NRCAM: variants seen among roughly 807,000 people sequenced by gnomAD.
NRCAM encodes the protein NgCAM-related cell adhesion molecule.
NRCAM carries 83 observed loss-of-function variants against 156.5 expected under a neutral mutation model. The ratio of observed to expected loss-of-function variants is 0.53; its 90% CI spans 0.44 to 0.64. The LOEUF is 0.64. Among genes scored for constraint, NRCAM ranks in the 30% least tolerant of loss-of-function variants. The pLI is 0.00. For missense variants in NRCAM, 1,417 were observed against 1,597.3 expected (o/e 0.89, Z 1.92); for synonymous variants, 538 against 563.9 (o/e 0.95, Z 0.65).
At chr7:108,246,176 C>T (rs1422359800) in intron 3 of NRCAM, among the ~76,000 whole-genome samples, 1 of 152,136 alleles carries the variant, frequency 6.6e-6, no homozygotes, top group Non-Finnish European at 1.5e-5. Context: ...CCTTCCAATC[C>T]AATCACAATT....
At chr7:108,449,623 T>C (rs1324987537) in intron 1 of NRCAM, among the ~76,000 whole-genome samples, 1 of 152,230 alleles carries the variant, frequency 6.6e-6, no homozygotes, top group Non-Finnish European at 1.5e-5. Context: ...GTACTTCCCC[T>C]TTCCCTTGAG....
chr7:108,426,179 G>A (rs1817043191), intron 1 of NRCAM, among the ~76,000 whole-genome samples: 1 of 152,164 alleles, frequency 6.6e-6, no homozygotes, highest in Admixed American at 6.5e-5. Context: ...GCAGAATGTG[G>A]TTATGTGTCT....
chr7:108,408,494 C>T (rs900201927), intron 1 of NRCAM, among the ~76,000 whole-genome samples: 4 of 152,236 alleles, frequency 2.6e-5, no homozygotes, highest in African/African-American at 4.8e-5. Context: ...GTGAGAAAAG[C>T]TGTCCCGGAA....
At chr7:108,176,853 A>G in intron 26 of NRCAM, 1 of 269,554 alleles carries the variant, frequency 3.7e-6, no homozygotes. Context: ...ATTGGCTAAT[A>G]AACTAGAAGA....
intron 3 of NRCAM, among the ~76,000 whole-genome samples, chr7:108,309,892 A>C (rs1230371859): frequency 6.6e-6 from 1 of 152,134 alleles, no homozygotes; most frequent in East Asian, 1.9e-4. Context: ...ATAGCATTAA[A>C]ATTGTATAAC....
At chr7:108,383,620 A>T (rs979490514) in intron 2 of NRCAM, among the ~76,000 whole-genome samples, 16 of 152,236 alleles carry the variant, frequency 1.1e-4, no homozygotes, top group Admixed American at 2.0e-4. Flanking sequence ...TTGGCTACTT[A>T]GCCAAAGAAG....
intron 2 of NRCAM, among the ~76,000 whole-genome samples, chr7:108,341,821 A>C (rs1414031018): frequency 1.3e-5 from 2 of 152,188 alleles, no homozygotes; most frequent in Non-Finnish European, 2.9e-5. Flanking sequence ...CAATTCTAGG[A>C]GTACAGAAAC....
At chr7:108,343,378 T>C (rs575434985) in intron 2 of NRCAM, among the ~76,000 whole-genome samples, 11 of 152,304 alleles carry the variant, frequency 7.2e-5, no homozygotes, top group South Asian at 4.1e-4. Flanking sequence ...GAGATTATTA[T>C]TGGCGGTACA....
chr7:108,434,473 G>A (rs766324771), intron 1 of NRCAM, among the ~76,000 whole-genome samples: 4 of 150,900 alleles, frequency 2.7e-5, no homozygotes, highest in African/African-American at 4.9e-5. Flanking sequence ...AGTTGACCAG[G>A]GCCACACAAA....
intron 3 of NRCAM, among the ~76,000 whole-genome samples, chr7:108,283,575 G>A (rs745578275): frequency 1.3e-5 from 2 of 152,182 alleles, no homozygotes; most frequent in Admixed American, 6.5e-5. Context: ...AAGGAGATAG[G>A]TTTGGAAAAG....
At chr7:108,179,476 T>G (rs569619808) in intron 25 of NRCAM, among the ~76,000 whole-genome samples, 101 of 152,352 alleles carry the variant, frequency 6.6e-4, no homozygotes, top group African/African-American at 2.3e-3. Context: ...GCCATTGTCA[T>G]AGTGGCATAT....
intron 28 of NRCAM, among the ~76,000 whole-genome samples, chr7:108,171,215 T>A (rs114369373): frequency 0.011 from 1,744 of 152,284 alleles, 27 homozygotes; most frequent in African/African-American, 0.039. Context: ...CTCGCCCAAC[T>A]GTAAGTCTTC....
At chr7:108,195,740 A>G in intron 15 of NRCAM, 21 bp downstream of exon 15, 1 of 1,338,542 alleles carries the variant, frequency 7.5e-7, no homozygotes, top group South Asian at 1.2e-5. Flanking sequence ...GTATTGAAAA[A>G]CACACAGAGC....
chr7:108,265,481 T>C (rs2097067175), intron 3 of NRCAM, among the ~76,000 whole-genome samples: 1 of 152,198 alleles, frequency 6.6e-6, no homozygotes. Context: ...CATCATCTCC[T>C]GGGAACCAGT....
In NRCAM at chr7:108,160,376, C is replaced by T; in HGVS notation, c.3583G>A (p.Gly1195Ser). 6.2e-7 allele frequency: 1 copy of T among 1,613,058 alleles called. No individual in the cohort carries two copies. ...LIVCFIRRNK[G>S]GKYPVKEKED... ...TCTTTCTTACCTGGATATTTACCAC[C>T]CTTGTTTCTTCTGATGAAGCAAACA... Residue 1195 changes from glycine to serine, a missense_variant, in exon 31 of 33, where the codon GGT (glycine) becomes AGT (serine). This residue lies in a region of NRCAM where 179 missense variants were observed against 260.9 expected (regional missense o/e 0.69). Coordinates refer to ENST00000379028, the MANE Select transcript of NRCAM (RefSeq NM_001037132.4).
At chr7:108,262,896 C>T (rs1175072035) in intron 3 of NRCAM, among the ~76,000 whole-genome samples, 1 of 152,192 alleles carries the variant, frequency 6.6e-6, no homozygotes, top group Non-Finnish European at 1.5e-5. Context: ...TCCTTTGCCT[C>T]ATTAGAAGCA....
chr7:108,222,623 G>A (rs917900590), intron 11 of NRCAM, among the ~76,000 whole-genome samples: 5 of 151,950 alleles, frequency 3.3e-5, no homozygotes, highest in Admixed American at 1.3e-4. Context: ...CTAGTTTTCC[G>A]TAGCTTGAGG....
At chr7:108,259,314 G>A (rs1177300539) in intron 3 of NRCAM, among the ~76,000 whole-genome samples, 1 of 152,158 alleles carries the variant, frequency 6.6e-6, no homozygotes, top group Non-Finnish European at 1.5e-5. Context: ...TGGTTAACAA[G>A]CCTTTTTAAA....
intron 4 of NRCAM, among the ~76,000 whole-genome samples, chr7:108,238,168 C>T (rs1202031945): frequency 6.6e-6 from 1 of 152,074 alleles, no homozygotes; most frequent in Non-Finnish European, 1.5e-5. Flanking sequence ...TCATATTATC[C>T]CAGACATCAC....
Sources: gnomAD v4.1 joint callset for allele counts (sites outside exome capture counted in the v4.1 genomes callset) on GRCh38, gnomAD v4.1.1 for gene constraint, gnomAD v4.1.1 regional missense constraint, MANE v1.5 for transcripts, NCBI Gene and HGNC (gene_info 2026-07-23, HGNC 2026-07-21) for gene names.